Variants in TGFB2 observed in about 807,000 individuals in gnomAD.
TGFB2 encodes the protein transforming growth factor beta 2.
A neutral mutation model predicts 42.7 loss-of-function variants in TGFB2; 13 were observed. The observed-to-expected ratio is 0.30, with a 90% CI of 0.20 to 0.48. TGFB2 has a LOEUF of 0.48. Among genes scored for constraint, TGFB2 ranks in the 20% least tolerant of loss-of-function variants. The probability of loss-of-function intolerance (pLI) is 0.99; values close to 1 mark genes in which losing one functional copy is unlikely to be tolerated. For missense variants in TGFB2, 390 were observed against 517.5 expected, an observed-to-expected ratio of 0.75 and a Z score of 2.39; for synonymous variants, 193 against 193.6, an observed-to-expected ratio of 1.00 and a Z score of 0.03.
chr1:218,387,275 A>G (rs1658168749), intron 1 of TGFB2, among the ~76,000 whole-genome samples: 1 of 152,146 alleles, frequency 6.6e-6, no homozygotes, highest in South Asian at 2.1e-4. Flanking sequence ...CAGGGTGCCC[A>G]TTAAGCTGGA....
chr1:218,390,721 G>C (rs955134756), intron 1 of TGFB2, among the ~76,000 whole-genome samples: 4 of 152,296 alleles, frequency 2.6e-5, no homozygotes, highest in South Asian at 4.1e-4. Flanking sequence ...AAGCTGCTTA[G>C]CACCCAAATG....
At chr1:218,364,806 C>G (rs113887383) in intron 1 of TGFB2, among the ~76,000 whole-genome samples, 9,534 of 152,230 alleles carry the variant, frequency 0.063, 782 homozygotes, top group African/African-American at 0.19. Flanking sequence ...AAAGTGGCTA[C>G]AAGCTGCAAT....
intron 1 of TGFB2, among the ~76,000 whole-genome samples, chr1:218,378,899 A>C (rs986159914): frequency 6.6e-6 from 1 of 152,054 alleles, no homozygotes; most frequent in African/African-American, 2.4e-5. Flanking sequence ...GAGGTGTGGC[A>C]AGGGCAGCAG....
At chr1:218,424,946 A>G (rs538725248) in intron 2 of TGFB2, among the ~76,000 whole-genome samples, 1 of 152,334 alleles carries the variant, frequency 6.6e-6, no homozygotes, top group South Asian at 2.1e-4. Flanking sequence ...TTAAGAAGAC[A>G]TTGGAAAGGG....
chr1:218,409,954 T>A (rs1659042685), intron 2 of TGFB2, among the ~76,000 whole-genome samples: 1 of 152,212 alleles, frequency 6.6e-6, no homozygotes, highest in South Asian at 2.1e-4. Context: ...CCTGTGAACT[T>A]ACATGTGAGC....
At chr1:218,428,648 A>G (rs1006922993) in intron 2 of TGFB2, among the ~76,000 whole-genome samples, 1 of 152,074 alleles carries the variant, frequency 6.6e-6, no homozygotes, top group Non-Finnish European at 1.5e-5. Context: ...ATGGTCGTAG[A>G]TGTGTGGTGT....
chr1:218,437,602 C>T, intron 6 of TGFB2, 106 bp downstream of exon 6: 1 of 1,216,594 alleles, frequency 8.2e-7, no homozygotes, highest in Non-Finnish European at 1.1e-6. Context: ...CTTACCATCA[C>T]ACATGTATGG....
chr1:218,425,799 A>G (rs1659604114), intron 2 of TGFB2, among the ~76,000 whole-genome samples: 1 of 152,212 alleles, frequency 6.6e-6, no homozygotes, highest in Non-Finnish European at 1.5e-5. Context: ...ATGTTAGAGA[A>G]TGAACTGTAT....
intron 1 of TGFB2, among the ~76,000 whole-genome samples, chr1:218,402,538 AG>A (rs1021529427): frequency 6.6e-6 from 1 of 151,518 alleles, no homozygotes; most frequent in Non-Finnish European, 1.5e-5. Flanking sequence ...GGACCAGAAA[AG>A]GGGGGAAAAA....
chr1:218,415,832 C>T (rs535961735), intron 2 of TGFB2, among the ~76,000 whole-genome samples: 1 of 151,666 alleles, frequency 6.6e-6, no homozygotes, highest in East Asian at 1.9e-4. Flanking sequence ...CATTTCTTGC[C>T]TAATGAGTTC....
At chr1:218,355,311 T>G (rs910325052) in intron 1 of TGFB2, among the ~76,000 whole-genome samples, 1 of 152,210 alleles carries the variant, frequency 6.6e-6, no homozygotes, top group Non-Finnish European at 1.5e-5. Flanking sequence ...CAAGATGATA[T>G]ACAATGAGCA....
At chr1:218,362,391 T>G (rs570836499) in intron 1 of TGFB2, among the ~76,000 whole-genome samples, 1 of 152,314 alleles carries the variant, frequency 6.6e-6, no homozygotes, top group South Asian at 2.1e-4. Flanking sequence ...AGACAACTGC[T>G]CATATTCCTT....
intron 1 of TGFB2, among the ~76,000 whole-genome samples, chr1:218,364,308 G>C (rs1334770221): frequency 6.6e-6 from 1 of 152,172 alleles, no homozygotes; most frequent in Non-Finnish European, 1.5e-5. Flanking sequence ...GCCAGCACCA[G>C]GTGTTAGGCT....
At chr1:218,405,454 T>C in intron 2 of TGFB2, 122 bp downstream of exon 2, 1 of 1,538,938 alleles carries the variant, frequency 6.5e-7, no homozygotes, top group East Asian at 2.3e-5. Flanking sequence ...AACCTTGAAC[T>C]CCTGGGTTCA....
At position 218,403,529 on chromosome 1, in the gene TGFB2, A is replaced by C. The variant is rs1362373384; in HGVS notation, c.347-1640A>C. 2.0e-5 allele frequency among the ~76,000 whole-genome samples: 3 copies of C among 152,224 alleles called. No homozygotes were observed. In the East Asian group the frequency reaches 5.8e-4, roughly 29 times the overall value. ...TATTTATTTCTATTTTAAGATCGGC[A>C]AGATGGCTCATTTATTTAATAAGAA... On this transcript the variant is annotated intron_variant, in intron 1 of 6. Coordinates refer to ENST00000366930, the MANE Select transcript of TGFB2 (RefSeq NM_003238.6).
chr1:218,433,118 G>T (rs776902020), intron 2 of TGFB2, among the ~76,000 whole-genome samples: 1 of 151,954 alleles, frequency 6.6e-6, no homozygotes, highest in African/African-American at 2.4e-5. Context: ...ACCCAGGCTG[G>T]AGTGCAGTAA....
At chr1:218,373,602 A>G (rs1350968613) in intron 1 of TGFB2, among the ~76,000 whole-genome samples, 1 of 152,158 alleles carries the variant, frequency 6.6e-6, no homozygotes, top group African/African-American at 2.4e-5. Context: ...TTTTATAAAT[A>G]AGGAAACTGA....
intron 1 of TGFB2, among the ~76,000 whole-genome samples, chr1:218,377,299 T>C (rs1349185361): frequency 2.0e-5 from 3 of 152,208 alleles, no homozygotes; most frequent in Non-Finnish European, 4.4e-5. Flanking sequence ...GCCTCCTCTT[T>C]AGCTGGTACA....
chr1:218,360,040 A>C (rs576864559), intron 1 of TGFB2, among the ~76,000 whole-genome samples: 10 of 152,196 alleles, frequency 6.6e-5, no homozygotes, highest in Non-Finnish European at 1.3e-4. Flanking sequence ...AAGGCATAAT[A>C]ACCTGTACCA....
Sources: gnomAD v4.1 joint callset for allele counts (sites outside exome capture counted in the v4.1 genomes callset) on GRCh38, gnomAD v4.1.1 for gene constraint, MANE v1.5 for transcripts, NCBI Gene and HGNC (gene_info 2026-07-23, HGNC 2026-07-21) for gene names.